The following KLRG1 variants were observed in gnomAD, a reference collection of about 807,000 sequenced individuals.
KLRG1 encodes killer cell lectin-like receptor subfamily G member 1.
Under a neutral mutation model 21.8 loss-of-function variants are expected in KLRG1, and 16 were observed. That is an observed-to-expected ratio of 0.73 (90% CI 0.50 to 1.11). The LOEUF is 1.11. Ranked by LOEUF, KLRG1 falls within the 50% of genes most tolerant of loss-of-function variation. The probability of loss-of-function intolerance (pLI) is 0.00; values close to 1 mark genes in which losing one functional copy is unlikely to be tolerated. For missense variants in KLRG1, 173 were observed against 218.3 expected (o/e 0.79, Z 1.31); for synonymous variants, 69 against 75.9 (o/e 0.91, Z 0.47).
At chr12:9,152,349 G>C in the KLRG1 span, 1 of 1,484,262 alleles carries the variant, frequency 6.7e-7, no homozygotes, top group Non-Finnish European at 9.4e-7. Flanking sequence ...GGTTTTATAC[G>C]TGAAAGAAAG....
the KLRG1 span, among the ~76,000 whole-genome samples, chr12:9,170,696 T>TC: frequency 1.3e-5 from 2 of 151,942 alleles, no homozygotes; most frequent in Admixed American, 1.3e-4. This position sits in a 1 kb window ranked among gnomAD's most constrained non-coding sequence, Gnocchi z 4.6. Context: ...TGAGGAACGG[T>TC]CCCCCACGAT....
the KLRG1 span, among the ~76,000 whole-genome samples, chr12:9,207,832 C>A: frequency 6.6e-6 from 1 of 152,112 alleles, no homozygotes; most frequent in Non-Finnish European, 1.5e-5. Context: ...TGCTTTGGTC[C>A]CCCACTGGGG....
At chr12:9,039,422 G>T in the KLRG1 span, among the ~76,000 whole-genome samples, 1 of 152,268 alleles carries the variant, frequency 6.6e-6, no homozygotes. Flanking sequence ...TTGACAAAAC[G>T]ATCTTATTTG....
At chr12:9,112,254 G>T in the KLRG1 span, 57 of 1,612,222 alleles carry the variant, frequency 3.5e-5, no homozygotes, top group Non-Finnish European at 3.6e-5. Flanking sequence ...ACCCAAAGTA[G>T]GCCTGTAGGC....
At chr12:8,966,198 T>C (rs1420606229) in intron 1 of KLRG1, among the ~76,000 whole-genome samples, 1 of 152,188 alleles carries the variant, frequency 6.6e-6, no homozygotes, top group African/African-American at 2.4e-5. Context: ...CAAGATGGAT[T>C]AAAGACTTCA....
the KLRG1 span, chr12:9,036,868 T>G: frequency 2.4e-6 from 1 of 421,116 alleles, no homozygotes; most frequent in Non-Finnish European, 4.7e-6. Context: ...AAGTCAAAGC[T>G]GACAAGGAAT....
the KLRG1 span, among the ~76,000 whole-genome samples, chr12:9,134,592 C>T: frequency 1.3e-5 from 2 of 152,188 alleles, no homozygotes; most frequent in Non-Finnish European, 2.9e-5. Flanking sequence ...AGTTTAGCCC[C>T]TGATAACCAC....
At chr12:9,079,139 G>T in the KLRG1 span, 1 of 839,748 alleles carries the variant, frequency 1.2e-6, no homozygotes, top group Non-Finnish European at 1.9e-6. Context: ...CAAACCATCG[G>T]TCTGATAATA....
chr12:8,980,787 G>A (rs893250767), intron 1 of KLRG1, among the ~76,000 whole-genome samples: 1 of 152,186 alleles, frequency 6.6e-6, no homozygotes, highest in Admixed American at 6.5e-5. Context: ...CAGCATTCTT[G>A]AAGACTGTGG....
At chr12:9,121,906 A>G in the KLRG1 span, among the ~76,000 whole-genome samples, 7 of 152,260 alleles carry the variant, frequency 4.6e-5, no homozygotes, top group Middle Eastern at 3.4e-3. The surrounding 1 kb of genome is among the most constrained non-coding windows in gnomAD (Gnocchi z 4.4). Context: ...ATGTGTATAT[A>G]TTTTCCCAGC....
the KLRG1 span, among the ~76,000 whole-genome samples, chr12:9,145,037 C>A: frequency 6.6e-6 from 1 of 152,150 alleles, no homozygotes; most frequent in Non-Finnish European, 1.5e-5. Context: ...CTTTTTCATC[C>A]CTTCACTTTC....
chr12:9,107,683 C>G, the KLRG1 span: 24 of 1,607,840 alleles, frequency 1.5e-5, no homozygotes, highest in Non-Finnish European at 1.9e-5. Flanking sequence ...AGAGCAGACA[C>G]TGAACCTCCC....
downstream of KLRG1, among the ~76,000 whole-genome samples, chr12:9,011,111 G>A (rs1036525772): frequency 6.6e-6 from 1 of 152,194 alleles, no homozygotes; most frequent in Non-Finnish European, 1.5e-5. Flanking sequence ...GATAAGAAAA[G>A]GAGAACTACA....
the KLRG1 span, chr12:9,169,084 T>C: frequency 1.1e-5 from 8 of 723,560 alleles, no homozygotes; most frequent in Non-Finnish European, 1.8e-5. Context: ...ATTAATTCTA[T>C]GGCGAAACAC....
chr12:9,095,689 C>T, the KLRG1 span: 59 of 1,602,550 alleles, frequency 3.7e-5, no homozygotes, highest in South Asian at 6.3e-4. Flanking sequence ...TTTCTGGTAG[C>T]AGGTTGTAAA....
At chr12:9,094,096 G>C in the KLRG1 span, among the ~76,000 whole-genome samples, 2 of 151,962 alleles carry the variant, frequency 1.3e-5, no homozygotes, top group African/African-American at 4.8e-5. Flanking sequence ...AGGCCGTGAA[G>C]AGGGGCAGGA....
the KLRG1 span, chr12:9,152,879 G>A: frequency 6.2e-7 from 1 of 1,613,894 alleles, no homozygotes; most frequent in Admixed American, 1.7e-5. Context: ...TCGCAAGTTT[G>A]GGGCACAGTC....
At chr12:8,994,614 T>C (rs763883283) in intron 2 of KLRG1, among the ~76,000 whole-genome samples, 27 of 152,348 alleles carry the variant, frequency 1.8e-4, no homozygotes, top group African/African-American at 6.5e-4. Flanking sequence ...AAACCTTTCA[T>C]TCTAGTTAAG....
the KLRG1 span, among the ~76,000 whole-genome samples, chr12:9,167,885 T>G: frequency 6.6e-6 from 1 of 152,210 alleles, no homozygotes; most frequent in Non-Finnish European, 1.5e-5. Context: ...CCCTTATTCT[T>G]TATTCTCGTT....
Sources: allele counts gnomAD v4.1 joint callset (sites outside exome capture counted in the v4.1 genomes callset), GRCh38; gene constraint gnomAD v4.1.1; non-coding constraint Gnocchi (gnomAD v3.1); transcripts MANE v1.5; gene names NCBI Gene and HGNC (gene_info 2026-07-23, HGNC 2026-07-21).